RNASET2: variants seen among roughly 807,000 people sequenced by gnomAD.
RNASET2 encodes the protein ribonuclease T2, also known as ribonuclease 6.
RNASET2 carries 28 observed loss-of-function variants against 33.9 expected under a neutral mutation model. That is an observed-to-expected ratio of 0.83 (90% CI 0.61 to 1.13). RNASET2 has a LOEUF of 1.13. RNASET2 is among the 50% of genes most tolerant of loss of function. The probability of loss-of-function intolerance (pLI) is 0.00; values close to 1 mark genes in which losing one functional copy is unlikely to be tolerated. For synonymous variants in RNASET2, 123 were observed against 121.0 expected (o/e 1.02, Z -0.11); for missense variants, 330 against 319.9 (o/e 1.03, Z -0.24).
rs547688190 is a variant in RNASET2, at chr6:166,951,613, G to A, written c.147+875C>T. Among the ~76,000 whole-genome samples, 12 of 152,348 alleles carry A rather than the reference G, an allele frequency of 7.9e-5. No homozygotes were observed. In the South Asian group the frequency reaches 8.3e-4, roughly 11 times the overall value. On this transcript the variant is annotated intron_variant, in intron 2 of 8. Transcript: ENST00000508775. Reference sequence around the variant, plus strand: ...ACTTGTCTTCTGGTCACTTCTCACCGTGCCCCTTCAGCTCCTATCTCTGTA... The same window carrying A: ...ACTTGTCTTCTGGTCACTTCTCACCATGCCCCTTCAGCTCCTATCTCTGTA...
rs11388348 is a variant in RNASET2, at chr6:166,926,533, C to CAAAAAAA, written c.*3048_*3054dup. 2.3e-5 allele frequency among the ~76,000 whole-genome samples: 3 copies of CAAAAAAA among 128,304 alleles called. No individual in the cohort carries two copies. Among genetic ancestry groups the CAAAAAAA allele is most frequent in the Admixed American group, 7.9e-5 (1 of 12,732 alleles). 84.2% of individuals were successfully genotyped at this position (128,304 alleles called of 152,430 possible). On this transcript the variant is annotated 3_prime_UTR_variant, in exon 9 of 9. Transcript: ENST00000508775. The stretch of plus-strand genomic sequence containing the variant: ...TGGGCGACAGAGTGAGACTCAGTCT[C>CAAAAAAA]AAAAAAAAAAAAAAAGAAAAGAAAA...
At chr6:166,955,209 GCACGCACA>G (rs1331427628) in intron 1 of RNASET2, among the ~76,000 whole-genome samples, 8 of 77,886 alleles carry the variant, frequency 1.0e-4, no homozygotes, top group East Asian at 5.2e-4. Context: ...ACGCACACAC[GCACGCACA>G]CACGCGCACA....
chr6:166,955,351 G>C lies in RNASET2; in HGVS notation c.86+746C>G, dbSNP rs866451227. 2.5e-4 allele frequency: 27 copies of C among 107,790 alleles called. 1 individual carries two copies. The highest frequency in any genetic ancestry group is 1.2e-3 in the African/African-American group (12 of 10,330). 6.7% of individuals were successfully genotyped at this position (107,790 alleles called of 1,614,324 possible). ...CGCACGCACGCACACGCACACGCAC[G>C]CACACACACACGCACACACAAACGC... On this transcript the variant is annotated intron_variant, in intron 1 of 8. Coordinates refer to ENST00000508775, the MANE Select transcript of RNASET2 (RefSeq NM_003730.6).
At chr6:166,936,073 T>C (rs1384586170) in intron 6 of RNASET2, among the ~76,000 whole-genome samples, 1 of 152,238 alleles carries the variant, frequency 6.6e-6, no homozygotes, top group Non-Finnish European at 1.5e-5. Context: ...TTTTGACTTC[T>C]TAATTTAATT....
At chr6:166,949,563 G>A (rs1485541553) in intron 2 of RNASET2, among the ~76,000 whole-genome samples, 3 of 149,076 alleles carry the variant, frequency 2.0e-5, no homozygotes, top group Non-Finnish European at 3.0e-5. Flanking sequence ...AGCCAGATAA[G>A]TGAAACTGCA....
Position 166,929,149 on chromosome 6 carries a change from AC to A in RNASET2, c.*438del, listed in dbSNP as rs1314399690. 1.3e-5 allele frequency among the ~76,000 whole-genome samples: 2 copies of A among 151,848 alleles called. No homozygotes were observed. Among genetic ancestry groups the A allele is most frequent in the Non-Finnish European group, 2.9e-5 (2 of 67,926 alleles). On this transcript the variant is annotated 3_prime_UTR_variant, in exon 9 of 9. Coordinates refer to ENST00000508775, the MANE Select transcript of RNASET2 (RefSeq NM_003730.6). ...AACAGACCCAGTCTGAGCTAGAGAC[AC>A]CCCCCAGGCCCACCAGGCATCAGCG...
At chr6:166,938,709 T>C (rs767601726) in intron 6 of RNASET2, 186 bp downstream of exon 6, 2 of 770,238 alleles carry the variant, frequency 2.6e-6, no homozygotes, top group Non-Finnish European at 4.8e-6. Context: ...TGATGTAGAA[T>C]GATCTGGAAA....
Position 166,929,530 on chromosome 6 carries a change from G to C in RNASET2, c.*58C>G. 6 of 1,550,150 alleles carry C rather than the reference G, an allele frequency of 3.9e-6. No individual in the cohort carries two copies. Among genetic ancestry groups the C allele is most frequent in the Non-Finnish European group, 4.5e-6 (5 of 1,122,040 alleles). ...TCACTTTGGAGTTGTTTTTTAGAAAGCTGCAGTTTGTGAATTTCTCTTGCT... is the reference window on the plus strand; with the variant it reads ...TCACTTTGGAGTTGTTTTTTAGAAACCTGCAGTTTGTGAATTTCTCTTGCT... On this transcript the variant is annotated 3_prime_UTR_variant, in exon 9 of 9. Coordinates refer to ENST00000508775, the MANE Select transcript of RNASET2 (RefSeq NM_003730.6).
chr6:166,948,511 C>T, intron 3 of RNASET2, 59 bp downstream of exon 3: 2 of 1,010,604 alleles, frequency 2.0e-6, no homozygotes, highest in Non-Finnish European at 3.2e-6. Flanking sequence ...CACATTCAAG[C>T]TAGGGTTCCC....
At chr6:166,943,772 G>T in intron 4 of RNASET2, 1 of 470,216 alleles carries the variant, frequency 2.1e-6, no homozygotes, top group Non-Finnish European at 4.4e-6. Context: ...AGTTGAGGGG[G>T]AAGGGAGTGA....
At chr6:166,941,161 T>C (rs1778682766) in intron 5 of RNASET2, among the ~76,000 whole-genome samples, 1 of 152,234 alleles carries the variant, frequency 6.6e-6, no homozygotes, top group South Asian at 2.1e-4. Context: ...ATCTTTTTCA[T>C]TTAGAACCAG....
At position 166,956,321 on chromosome 6, in the gene RNASET2, A is replaced by T. The variant is rs1779165725; in HGVS notation, c.-139T>A. On this transcript the variant is annotated 5_prime_UTR_variant, in exon 1 of 9. Coordinates refer to ENST00000508775, the MANE Select transcript of RNASET2 (RefSeq NM_003730.6). ...CGCTCCCTCCGCTGCAGCAGCGGCC[A>T]CCGGGTGCGCCCGGAGCCCTGGGAC... The T allele has an allele frequency of 1.2e-6, 1 of 820,438 alleles. No homozygotes were observed. The highest frequency in any genetic ancestry group is 1.7e-5 in the African/African-American group (1 of 58,728). 50.8% of individuals were successfully genotyped at this position (820,438 alleles called of 1,614,324 possible).
intron 1 of RNASET2, 69 bp downstream of exon 1, chr6:166,956,028 C>T (rs1367223913): frequency 1.4e-6 from 2 of 1,446,104 alleles, no homozygotes; most frequent in Non-Finnish European, 1.9e-6. Flanking sequence ...AGAGCTGCAG[C>T]CTTCACCCAG....
rs145765601 is a variant in RNASET2, at chr6:166,955,257, GCACACACACACA to G, written c.86+828_86+839del. On this transcript the variant is annotated intron_variant, in intron 1 of 8. Transcript: ENST00000508775. ...CACGCACGCACACACACGCACACAC[GCACACACACACA>G]CGCGCACACACGACACACACGCACA... Among the ~76,000 whole-genome samples, 67 of 92,096 alleles carry G rather than the reference GCACACACACACA, an allele frequency of 7.3e-4. 2 individuals carry two copies. The highest frequency in any genetic ancestry group is 3.5e-3 in the African/African-American group (64 of 18,434). The allele number at this position is 92,096 out of a possible 152,430, so 60.4% of individuals were successfully genotyped here.
chr6:166,955,425 A>ACG (rs1779140001), intron 1 of RNASET2: 2 of 719,772 alleles, frequency 2.8e-6, no homozygotes, highest in Non-Finnish European at 3.3e-6. Context: ...ACACACACAC[A>ACG]CGCGGAGGGC....
At position 166,929,785 on chromosome 6, in the gene RNASET2, C is replaced by T; in HGVS notation, c.574G>A (p.Glu192Lys). The change falls in exon 9 of 9, where the codon GAA becomes AAA. Residue 192 changes from glutamate (E) to lysine (K), a missense_variant. Physicochemically the swap from Glu to Lys is moderately conservative, Grantham distance 56 (BLOSUM62 1). Transcript: ENST00000508775. ...TCTATCTGACCAATTGTCTGTACTT[C>T]CTCATCCTAAAAGTAAACAATGAAA... is the stretch of plus-strand genomic sequence containing the variant. The part of the protein sequence containing the change: ...IQCLPPSQDE[E>K]VQTIGQIELC... 1 of 1,613,692 alleles carries T rather than the reference C, an allele frequency of 6.2e-7. No homozygotes were observed.
chr6:166,950,767 G>A (rs73041491), intron 2 of RNASET2, among the ~76,000 whole-genome samples: 6,416 of 152,308 alleles, frequency 0.042, 245 homozygotes, highest in African/African-American at 0.097. Context: ...GGGCCAGCCC[G>A]GAGGGCCGTG....
At chr6:166,955,678 T>G in intron 1 of RNASET2, 2 of 1,053,226 alleles carry the variant, frequency 1.9e-6, no homozygotes, top group Non-Finnish European at 1.1e-6. Flanking sequence ...ACCCAGGACC[T>G]CACCCTACCC....
In RNASET2 at chr6:166,922,396, C is replaced by CA. The variant is rs140051044; in HGVS notation, c.*7191dup. Among the ~76,000 whole-genome samples, 14,126 of 152,086 alleles carry CA rather than the reference C, an allele frequency of 0.093. 773 individuals carry two copies. Among genetic ancestry groups the CA allele is most frequent in the African/African-American group, 0.15 (6,024 of 41,478 alleles). ...CACTGACCATCCCCCGGCTCCCCATCAAAAAAACCACTTGATTTCCAGGAA... is the reference window on the plus strand; with the variant it reads ...CACTGACCATCCCCCGGCTCCCCATCAAAAAAAACCACTTGATTTCCAGGAA... On this transcript the variant is annotated 3_prime_UTR_variant, in exon 9 of 9. Transcript: ENST00000508775.
Sources: allele counts gnomAD v4.1 joint callset (sites outside exome capture counted in the v4.1 genomes callset), GRCh38; gene constraint gnomAD v4.1.1; transcripts MANE v1.5; gene names NCBI Gene and HGNC (gene_info 2026-07-23, HGNC 2026-07-21).